ROCK2: variants seen among roughly 807,000 people sequenced by gnomAD.
The protein encoded by ROCK2 is Rho associated coiled-coil containing protein kinase 2.
A neutral mutation model predicts 195.1 loss-of-function variants in ROCK2; 61 were observed. That is an observed-to-expected ratio of 0.31 (90% CI 0.25 to 0.39). ROCK2 has a LOEUF of 0.39. Among genes scored for constraint, ROCK2 ranks in the 10% least tolerant of loss-of-function variants. The pLI is 1.00. For synonymous variants in ROCK2, 504 were observed against 545.5 expected (o/e 0.92, Z 1.06); for missense variants, 1,109 against 1,637.4 (o/e 0.68, Z 5.57).
intron 30 of ROCK2, among the ~76,000 whole-genome samples, chr2:11,193,464 A>C (rs1205540303): frequency 6.6e-6 from 1 of 152,162 alleles, no homozygotes; most frequent in African/African-American, 2.4e-5. Flanking sequence ...CAAAAACAGA[A>C]AGGGAAAAAT....
At chr2:11,232,078 A>C (rs1458521958) in intron 5 of ROCK2, among the ~76,000 whole-genome samples, 1 of 152,032 alleles carries the variant, frequency 6.6e-6, no homozygotes, top group East Asian at 1.9e-4. Flanking sequence ...GCTGTATAAA[A>C]CCAAGTCACA....
At chr2:11,254,960 G>A (rs995495138) in intron 3 of ROCK2, among the ~76,000 whole-genome samples, 3 of 152,078 alleles carry the variant, frequency 2.0e-5, no homozygotes, top group Non-Finnish European at 4.4e-5. Context: ...GCTCACGCCT[G>A]TAATCCCTGC....
intron 8 of ROCK2, among the ~76,000 whole-genome samples, chr2:11,221,870 G>A (rs1161277798): frequency 6.6e-6 from 1 of 152,144 alleles, no homozygotes. Flanking sequence ...AATGTTTATT[G>A]TAAAAGTGTT....
intron 4 of ROCK2, among the ~76,000 whole-genome samples, chr2:11,241,472 G>C (rs553966741): frequency 1.3e-5 from 2 of 152,184 alleles, no homozygotes; most frequent in South Asian, 4.2e-4. Flanking sequence ...CAAGTTTGAT[G>C]AACTCTATAA....
chr2:11,339,460 T>C (rs1341624056), intron 1 of ROCK2, among the ~76,000 whole-genome samples: 1 of 150,648 alleles, frequency 6.6e-6, no homozygotes, highest in Non-Finnish European at 1.5e-5. Flanking sequence ...CACTCCCAGA[T>C]ATATACCCTA....
chr2:11,210,995 T>C (rs1167666672), intron 18 of ROCK2, among the ~76,000 whole-genome samples: 1 of 152,204 alleles, frequency 6.6e-6, no homozygotes, highest in African/African-American at 2.4e-5. Flanking sequence ...TGTTCAAGAG[T>C]TTTAAGCCTT....
At chr2:11,261,037 A>G (rs982419517) in intron 3 of ROCK2, among the ~76,000 whole-genome samples, 1 of 152,220 alleles carries the variant, frequency 6.6e-6, no homozygotes, top group African/African-American at 2.4e-5. Flanking sequence ...CACAATGCTA[A>G]ATTGACTAAT....
At position 11,197,194 on chromosome 2, in the gene ROCK2, T is replaced by A. The variant is rs912389077; in HGVS notation, c.3434A>T (p.Asp1145Val). 1 of 1,603,392 alleles carries A rather than the reference T, an allele frequency of 6.2e-7. No homozygotes were observed. The highest frequency in any genetic ancestry group is 1.3e-5 in the African/African-American group (1 of 74,354). Residue 1145 changes from aspartate (D) to valine (V), a missense_variant, in exon 27 of 33, where the codon GAT becomes GTT. This residue lies in a region of ROCK2 where 221 missense variants were observed against 355.1 expected (regional missense o/e 0.62). Coordinates refer to ENST00000315872, the MANE Select transcript of ROCK2 (RefSeq NM_004850.5). This position sits in a 1 kb window ranked among gnomAD's most constrained non-coding sequence, Gnocchi z 4.9. ...IGSGPGDAEA[D>V]DGFPESRLEG... ...CAAATCCATACCTGGAAACCCATCA[T>A]CTGCCTCAGCATCCCCTGGTCCACT... is the stretch of plus-strand genomic sequence containing the variant.
At chr2:11,262,489 G>A (rs2148148602) in intron 3 of ROCK2, among the ~76,000 whole-genome samples, 1 of 152,298 alleles carries the variant, frequency 6.6e-6, no homozygotes, top group Middle Eastern at 3.4e-3. Flanking sequence ...TGTTGTGGGA[G>A]GGACCCAGTG....
intron 1 of ROCK2, among the ~76,000 whole-genome samples, chr2:11,291,106 T>C (rs1285693443): frequency 6.6e-6 from 1 of 152,234 alleles, no homozygotes; most frequent in African/African-American, 2.4e-5. Flanking sequence ...CAGTTTCCCC[T>C]ACTATAATTA....
In ROCK2 at chr2:11,235,678, G is replaced by T. The variant is rs769148717; in HGVS notation, c.723+24C>A. The T allele has an allele frequency of 1.3e-6, 2 of 1,585,652 alleles. No individual in the cohort carries two copies. Among genetic ancestry groups the T allele is most frequent in the Non-Finnish European group, 1.7e-6 (2 of 1,165,714 alleles). ...TATTTCTGTCCCTCAAAACACTATC[G>T]TTTTAAATAATTTGCTTACTTACTT... On this transcript the variant is annotated intron_variant, in intron 5 of 32. Coordinates refer to ENST00000315872, the MANE Select transcript of ROCK2 (RefSeq NM_004850.5). This position sits in a 1 kb window ranked among gnomAD's most constrained non-coding sequence, Gnocchi z 4.2.
chr2:11,198,917 T>C, intron 23 of ROCK2, 143 bp from the exon 24 acceptor site: 1 of 592,248 alleles, frequency 1.7e-6, no homozygotes, highest in Non-Finnish European at 2.9e-6. Context: ...AGTCTTGCTC[T>C]GTCACCCAGG....
chr2:11,185,284 G>C (rs577031849), intron 32 of ROCK2, among the ~76,000 whole-genome samples: 1 of 152,326 alleles, frequency 6.6e-6, no homozygotes, highest in East Asian at 1.9e-4. Flanking sequence ...TCCTGCATAT[G>C]AAAAACTAGG....
chr2:11,345,169 C>T (rs1221815869), upstream of ROCK2, among the ~76,000 whole-genome samples: 2 of 152,204 alleles, frequency 1.3e-5, no homozygotes, highest in Admixed American at 6.5e-5. Flanking sequence ...GAGAGGGGGC[C>T]CTGGGTGTCT....
intron 1 of ROCK2, chr2:11,308,641 T>A: frequency 7.0e-7 from 1 of 1,437,812 alleles, no homozygotes; most frequent in Non-Finnish European, 9.8e-7. Flanking sequence ...TGCAAGATAC[T>A]CCTGTGGCTT....
intron 3 of ROCK2, among the ~76,000 whole-genome samples, chr2:11,279,839 T>A (rs1339590755): frequency 6.6e-6 from 1 of 152,154 alleles, no homozygotes; most frequent in Non-Finnish European, 1.5e-5. Flanking sequence ...TATTCTCAGA[T>A]CACTATGGAT....
In ROCK2 at chr2:11,331,015, AGAAGGAG is replaced by A. The variant is rs1340283719; in HGVS notation, c.141+12974_141+12980del. Among the ~76,000 whole-genome samples, 4 of 55,610 alleles carry A rather than the reference AGAAGGAG, an allele frequency of 7.2e-5. No individual in the cohort carries two copies. In the East Asian group the frequency reaches 2.8e-3, roughly 39 times the overall value. The allele number at this position is 55,610 out of a possible 152,430, so 36.5% of individuals were successfully genotyped here. ...GAGGAGGAGGGAGGAAGGAGCAGAA[AGAAGGAG>A]GGAGGAGGAGGGAGGAGGAGGGAGG... On this transcript the variant is annotated intron_variant, in intron 1 of 32. Coordinates refer to ENST00000315872, the MANE Select transcript of ROCK2 (RefSeq NM_004850.5).
intron 32 of ROCK2, among the ~76,000 whole-genome samples, chr2:11,189,390 A>T (rs759356926): frequency 2.0e-5 from 3 of 152,180 alleles, no homozygotes; most frequent in Non-Finnish European, 2.9e-5. Context: ...GTCCAGTAGA[A>T]TGTTAAAAAC....
At chr2:11,242,579 C>T (rs1665465089) in intron 4 of ROCK2, among the ~76,000 whole-genome samples, 1 of 152,144 alleles carries the variant, frequency 6.6e-6, no homozygotes, top group Non-Finnish European at 1.5e-5. Context: ...TCAAGTGCCA[C>T]ACTCACTGAA....
Sources: allele counts gnomAD v4.1 joint callset (sites outside exome capture counted in the v4.1 genomes callset), GRCh38; gene constraint gnomAD v4.1.1; regional missense constraint gnomAD v4.1.1; non-coding constraint Gnocchi (gnomAD v3.1); transcripts MANE v1.5; gene names NCBI Gene and HGNC (gene_info 2026-07-23, HGNC 2026-07-21).